RBPJ: variants seen among roughly 807,000 people sequenced by gnomAD.
The protein encoded by RBPJ is recombination signal binding protein for immunoglobulin kappa J region.
In RBPJ, 9 loss-of-function variants were observed where a neutral mutation model predicts 67.8. The observed-to-expected ratio is 0.13, with a 90% CI of 0.08 to 0.23. The LOEUF is 0.23. Among genes scored for constraint, RBPJ ranks in the 10% least tolerant of loss-of-function variants. The pLI is 1.00. For synonymous variants in RBPJ, 198 were observed against 203.3 expected (o/e 0.97, Z 0.22); for missense variants, 305 against 595.6 (o/e 0.51, Z 5.08).
chr4:26,198,152 G>C (rs1717846207), intron 1 of RBPJ, among the ~76,000 whole-genome samples: 1 of 152,170 alleles, frequency 6.6e-6, no homozygotes, highest in Admixed American at 6.5e-5. Context: ...TACTCGGGAG[G>C]CTGAGGCCGG....
At chr4:26,204,180 T>A in intron 1 of RBPJ, among the ~76,000 whole-genome samples, 1 of 152,180 alleles carries the variant, frequency 6.6e-6, no homozygotes, top group Admixed American at 6.5e-5. Flanking sequence ...ACTCCTGGGC[T>A]CAAGTGATCC....
chr4:26,416,414 G>C (rs1013031850), intron 4 of RBPJ, among the ~76,000 whole-genome samples: 10 of 152,086 alleles, frequency 6.6e-5, no homozygotes, highest in Non-Finnish European at 2.9e-5. Context: ...TTTTTTTGTA[G>C]AGATGGGGTT....
chr4:26,255,296 C>T (rs1266565446), intron 1 of RBPJ, among the ~76,000 whole-genome samples: 25 of 119,914 alleles, frequency 2.1e-4, no homozygotes, highest in Non-Finnish European at 3.9e-4. Flanking sequence ...CCCAGCTACT[C>T]GGGAGGCTGA....
intron 1 of RBPJ, among the ~76,000 whole-genome samples, chr4:26,271,511 CCA>C: frequency 6.6e-6 from 1 of 152,112 alleles, no homozygotes; most frequent in Admixed American, 6.5e-5. Context: ...GTGTCGAACT[CCA>C]GTCTCCTCTC....
chr4:26,356,703 C>T (rs1031085981), intron 1 of RBPJ, among the ~76,000 whole-genome samples: 2 of 152,098 alleles, frequency 1.3e-5, no homozygotes, highest in African/African-American at 4.8e-5. Context: ...ATATATTTAG[C>T]CAGTTCCCAT....
At chr4:26,235,917 G>A (rs530483270) in intron 1 of RBPJ, among the ~76,000 whole-genome samples, 44 of 152,280 alleles carry the variant, frequency 2.9e-4, no homozygotes, top group African/African-American at 9.6e-4. Context: ...GAATTGGAAG[G>A]GAAGGGAACT....
chr4:26,279,166 G>A (rs1430933479), intron 1 of RBPJ, among the ~76,000 whole-genome samples: 1 of 152,200 alleles, frequency 6.6e-6, no homozygotes, highest in Non-Finnish European at 1.5e-5. Flanking sequence ...TCTGTTACAG[G>A]TGGTAGTTTC....
intron 1 of RBPJ, among the ~76,000 whole-genome samples, chr4:26,296,168 C>T (rs1329187830): frequency 6.6e-6 from 1 of 152,194 alleles, no homozygotes; most frequent in Non-Finnish European, 1.5e-5. Context: ...AGTTGCTGAG[C>T]TTCCTGATGT....
the RBPJ span, among the ~76,000 whole-genome samples, chr4:26,111,335 G>A: frequency 6.6e-6 from 1 of 152,098 alleles, no homozygotes; most frequent in Non-Finnish European, 1.5e-5. Context: ...CCAGGTGAAG[G>A]GAACATGCTC....
At chr4:26,299,833 C>G (rs1722014950) in intron 1 of RBPJ, among the ~76,000 whole-genome samples, 1 of 151,854 alleles carries the variant, frequency 6.6e-6, no homozygotes, top group African/African-American at 2.4e-5. Flanking sequence ...TGCCTGCCAC[C>G]ACGCCTGACT....
chr4:26,372,081 G>C (rs1396356981), intron 1 of RBPJ, among the ~76,000 whole-genome samples: 2 of 152,196 alleles, frequency 1.3e-5, no homozygotes, highest in Non-Finnish European at 2.9e-5. Flanking sequence ...ATACACATAA[G>C]GAGATGTATT....
chr4:26,406,350 G>A lies in RBPJ; in HGVS notation c.155+80G>A, dbSNP rs774178223. 7.2e-4 allele frequency: 627 copies of A among 876,836 alleles called. 7 individuals carry two copies. The highest frequency in any genetic ancestry group is 2.1e-3 in the Middle Eastern group (6 of 2,854). 54.3% of individuals were successfully genotyped at this position (876,836 alleles called of 1,614,324 possible). On this transcript the variant is annotated intron_variant, in intron 3 of 10. Transcript: ENST00000355476. ...ATTATGTATTAATATACATGTCAGAGGATGGCTTCTATTACTGGGTTCATT... is the reference window on the plus strand; with the variant it reads ...ATTATGTATTAATATACATGTCAGAAGATGGCTTCTATTACTGGGTTCATT...
intron 1 of RBPJ, among the ~76,000 whole-genome samples, chr4:26,220,908 G>C (rs1718881464): frequency 6.6e-6 from 1 of 152,160 alleles, no homozygotes; most frequent in South Asian, 2.1e-4. Flanking sequence ...TTCATCTGGG[G>C]CCCAAACACA....
intron 1 of RBPJ, among the ~76,000 whole-genome samples, chr4:26,196,749 G>A (rs928269836): frequency 2.0e-5 from 3 of 152,076 alleles, no homozygotes; most frequent in South Asian, 4.1e-4. Context: ...AACAGATGTC[G>A]GCATTTTGCT....
chr4:26,280,444 G>A (rs1401870195), intron 1 of RBPJ, among the ~76,000 whole-genome samples: 2 of 150,136 alleles, frequency 1.3e-5, no homozygotes, highest in African/African-American at 4.9e-5. Flanking sequence ...TCCATCCCTG[G>A]ACAATGGTGC....
intron 1 of RBPJ, among the ~76,000 whole-genome samples, chr4:26,372,261 G>A (rs1192195959): frequency 1.3e-5 from 2 of 152,188 alleles, no homozygotes; most frequent in Non-Finnish European, 2.9e-5. Context: ...TGTGGTGGAA[G>A]GCAAGATGAG....
chr4:26,138,121 C>T, the RBPJ span, among the ~76,000 whole-genome samples: 1 of 152,100 alleles, frequency 6.6e-6, no homozygotes, highest in Non-Finnish European at 1.5e-5. Context: ...TGTGTGAGGC[C>T]CCAGAATGAA....
chr4:26,362,508 T>C, intron 1 of RBPJ: 1 of 1,556,738 alleles, frequency 6.4e-7, no homozygotes. Flanking sequence ...ACCATTATGA[T>C]CTCAAAACGA....
At chr4:26,244,621 C>T (rs1193622031) in intron 1 of RBPJ, among the ~76,000 whole-genome samples, 5 of 151,720 alleles carry the variant, frequency 3.3e-5, no homozygotes, top group South Asian at 2.1e-4. Flanking sequence ...TTAGTGTTAT[C>T]GATTTTAATT....
Sources: allele counts gnomAD v4.1 joint callset (sites outside exome capture counted in the v4.1 genomes callset), GRCh38; gene constraint gnomAD v4.1.1; transcripts MANE v1.5; gene names NCBI Gene and HGNC (gene_info 2026-07-23, HGNC 2026-07-21).